Variants in SOBP observed in about 807,000 individuals in gnomAD.
The protein encoded by SOBP is sine oculis-binding protein homolog.
A neutral mutation model predicts 53.6 loss-of-function variants in SOBP; 4 were observed. The ratio of observed to expected loss-of-function variants is 0.07; its 90% CI spans 0.04 to 0.17. SOBP has a LOEUF of 0.17. Ranked by LOEUF, SOBP falls within the 10% of genes least tolerant of loss-of-function variation. SOBP has a pLI of 1.00. For synonymous variants in SOBP, 584 were observed against 522.6 expected (o/e 1.12, Z -1.60); for missense variants, 1,088 against 1,204.7 (o/e 0.90, Z 1.43).
At chr6:107,493,397 A>G (rs545701313) in intron 1 of SOBP, among the ~76,000 whole-genome samples, 2 of 152,320 alleles carry the variant, frequency 1.3e-5, no homozygotes, top group South Asian at 2.1e-4. Flanking sequence ...CTCGGATCAC[A>G]TATCAAGGCT....
chr6:107,569,429 A>G (rs527633690), intron 4 of SOBP, among the ~76,000 whole-genome samples: 90 of 152,338 alleles, frequency 5.9e-4, no homozygotes, highest in African/African-American at 2.1e-3. Flanking sequence ...AAGCCCATTC[A>G]TTGGACCTGA....
intron 4 of SOBP, among the ~76,000 whole-genome samples, chr6:107,534,365 T>C (rs12213647): frequency 0.019 from 2,843 of 152,334 alleles, 44 homozygotes; most frequent in East Asian, 0.054. Flanking sequence ...TTCTGAATCC[T>C]TAAAGAACTG....
chr6:107,565,922 A>G (rs978076449), intron 4 of SOBP, among the ~76,000 whole-genome samples: 1 of 152,196 alleles, frequency 6.6e-6, no homozygotes, highest in African/African-American at 2.4e-5. Context: ...CTTCAAGCAT[A>G]ATGTTGTACT....
intron 3 of SOBP, among the ~76,000 whole-genome samples, chr6:107,512,689 C>G (rs980585113): frequency 6.6e-6 from 1 of 152,170 alleles, no homozygotes; most frequent in African/African-American, 2.4e-5. Flanking sequence ...ACTTTTTCCC[C>G]TCTAGTTTTG....
intron 6 of SOBP, among the ~76,000 whole-genome samples, chr6:107,643,688 G>A (rs758744823): frequency 6.6e-6 from 1 of 152,116 alleles, no homozygotes; most frequent in Non-Finnish European, 1.5e-5. Flanking sequence ...CAAAGTGCTG[G>A]GATTACAGGT....
chr6:107,573,133 G>A lies in SOBP; in HGVS notation c.574-13947G>A, dbSNP rs187693527. ...TGGCTGAAGAGAGATAGAAGTGGTC[G>A]TTAAGTACTGATTGTGTCCAGATTG... On this transcript the variant is annotated intron_variant, in intron 4 of 6. Transcript: ENST00000317357. 2.6e-5 allele frequency among the ~76,000 whole-genome samples: 4 copies of A among 152,320 alleles called. No homozygotes were observed. The East Asian group carries it at 5.8e-4, about 22-fold the overall frequency.
intron 4 of SOBP, among the ~76,000 whole-genome samples, chr6:107,534,037 A>ATT (rs1421949138): frequency 6.6e-6 from 1 of 152,218 alleles, no homozygotes; most frequent in Non-Finnish European, 1.5e-5. Context: ...AAATACTGCT[A>ATT]TTGCTCTTTT....
At chr6:107,633,477 G>T in intron 5 of SOBP, 37 bp from the exon 6 acceptor site, 1 of 1,613,744 alleles carries the variant, frequency 6.2e-7, no homozygotes, top group Non-Finnish European at 8.5e-7. Context: ...TAAATTGCTT[G>T]TCTTACCTGT....
intron 4 of SOBP, among the ~76,000 whole-genome samples, chr6:107,581,364 G>C (rs945485809): frequency 3.3e-5 from 5 of 152,170 alleles, no homozygotes; most frequent in African/African-American, 1.2e-4. Flanking sequence ...AAGGACAGGA[G>C]ACCCAGTTGA....
chr6:107,551,345 T>C (rs1324419502), intron 4 of SOBP, among the ~76,000 whole-genome samples: 1 of 152,198 alleles, frequency 6.6e-6, no homozygotes. Context: ...GTAAAATGGC[T>C]TAGTATGCTA....
rs1784740217 is a variant in SOBP at position 107,560,390 on chromosome 6, C to G, written c.574-26690C>G. Among the ~76,000 whole-genome samples, 3 of 152,042 alleles carry G rather than the reference C, an allele frequency of 2.0e-5. No individual in the cohort carries two copies. In the South Asian group the frequency reaches 6.2e-4, roughly 32 times the overall value. On this transcript the variant is annotated intron_variant, in intron 4 of 6. Coordinates refer to ENST00000317357, the MANE Select transcript of SOBP (RefSeq NM_018013.4). ...GTCAACCAAGTGTGAATCTTGAAGT[C>G]CACCTGCTCCCTTTCCAGGGTCTCA... is the stretch of plus-strand genomic sequence containing the variant.
intron 6 of SOBP, among the ~76,000 whole-genome samples, chr6:107,646,083 G>A (rs1771543457): frequency 6.6e-6 from 1 of 152,214 alleles, no homozygotes; most frequent in African/African-American, 2.4e-5. Flanking sequence ...AATTACTTGA[G>A]CAGCTCTTTG....
chr6:107,597,266 A>G (rs1785979687), intron 5 of SOBP, among the ~76,000 whole-genome samples: 1 of 152,238 alleles, frequency 6.6e-6, no homozygotes, highest in African/African-American at 2.4e-5. Flanking sequence ...AGCTATTTCA[A>G]TCAGTGATGC....
chr6:107,513,303 GCAAAT>G (rs1783223801), intron 3 of SOBP, among the ~76,000 whole-genome samples: 1 of 152,070 alleles, frequency 6.6e-6, no homozygotes, highest in African/African-American at 2.4e-5. Context: ...ATATTTTCAG[GCAAAT>G]CTTGAAATTC....
chr6:107,609,688 G>A (rs1403459788), intron 5 of SOBP, among the ~76,000 whole-genome samples: 1 of 152,122 alleles, frequency 6.6e-6, no homozygotes, highest in East Asian at 1.9e-4. Flanking sequence ...TAATCTTGTT[G>A]CCTAGCTCCG....
chr6:107,490,530 A>G lies in SOBP; in HGVS notation c.-87A>G, dbSNP rs1782550248. The G allele has an allele frequency of 6.5e-6, 6 of 925,490 alleles. No homozygotes were observed. The South Asian group carries it at 8.4e-5, about 13-fold the overall frequency. The allele number at this position is 925,490 out of a possible 1,614,324, so 57.3% of individuals were successfully genotyped here. A position where few individuals can be genotyped will look rare whatever the true frequency, so the allele number is the denominator to read the frequency against. ...CTCCGCCAGCCTCGCCACCATCAGC[A>G]CCACCTCCACCGCCGCCGCCGCCGC... On this transcript the variant is annotated 5_prime_UTR_variant, in exon 1 of 7. Transcript: ENST00000317357.
intron 1 of SOBP, among the ~76,000 whole-genome samples, chr6:107,500,585 G>A (rs1474441089): frequency 4.0e-5 from 6 of 151,548 alleles, no homozygotes; most frequent in Admixed American, 3.9e-4. Flanking sequence ...GCAGTGGCGC[G>A]ATCTCGGCTC....
intron 4 of SOBP, among the ~76,000 whole-genome samples, chr6:107,578,226 C>T (rs1785296200): frequency 6.6e-6 from 1 of 152,024 alleles, no homozygotes. Context: ...GCCTCTTCCC[C>T]CACCCCGCAC....
Position 107,533,397 on chromosome 6 carries a change from T to G in SOBP, c.422-62T>G, listed in dbSNP as rs541728661. ...AGGTAGCTCTGTCAGGTTCAGGGTGTGTCTAAATTTGAAGGGATGTTTGCT... is the reference window on the plus strand; with the variant it reads ...AGGTAGCTCTGTCAGGTTCAGGGTGGGTCTAAATTTGAAGGGATGTTTGCT... On this transcript the variant is annotated intron_variant, in intron 3 of 6. Transcript: ENST00000317357. The G allele has an allele frequency of 3.1e-5, 48 of 1,567,710 alleles. No homozygotes were observed. The African/African-American group carries it at 6.2e-4, about 20-fold the overall frequency.
Sources: gnomAD v4.1 joint callset for allele counts (sites outside exome capture counted in the v4.1 genomes callset) on GRCh38, gnomAD v4.1.1 for gene constraint, MANE v1.5 for transcripts, NCBI Gene and HGNC (gene_info 2026-07-23, HGNC 2026-07-21) for gene names.